Variants in CSMD3 observed in about 807,000 individuals in gnomAD.
CSMD3 encodes the protein CUB and sushi domain-containing protein 3.
In CSMD3, 177 loss-of-function variants were observed where a neutral mutation model predicts 435.2. The observed-to-expected ratio is 0.41, with a 90% confidence interval of 0.36 to 0.46. The LOEUF (loss-of-function observed/expected upper bound fraction) is 0.46, where lower values mean the gene tolerates loss of function less well. CSMD3 is among the 20% of genes least tolerant of loss of function. The pLI is 0.34. For synonymous variants in CSMD3, 1,656 were observed against 1,520.5 expected (o/e 1.09, Z -2.07); for missense variants, 4,265 against 4,504.6 (o/e 0.95, Z 1.52).
chr8:112,931,552 G>T (rs2083110643), intron 9 of CSMD3, among the ~76,000 whole-genome samples: 2 of 150,218 alleles, frequency 1.3e-5, no homozygotes, highest in Non-Finnish European at 3.0e-5. Flanking sequence ...AGATTGTATG[G>T]TTAAAACTTC....
intron 36 of CSMD3, among the ~76,000 whole-genome samples, chr8:112,387,465 A>ATGTGTGTGTGTGTGTGTG (rs34034900): frequency 4.2e-5 from 6 of 144,212 alleles, no homozygotes; most frequent in South Asian, 4.5e-4. Flanking sequence ...GTCATATATT[A>ATGTGTGTGTGTGTGTGTG]TGTGTGTGTG....
intron 24 of CSMD3, among the ~76,000 whole-genome samples, chr8:112,568,485 C>T (rs1487204676): frequency 2.7e-5 from 4 of 150,678 alleles, no homozygotes; most frequent in East Asian, 2.0e-4. Flanking sequence ...ATCCTAGCTA[C>T]TTAAGAGGCT....
chr8:112,519,932 G>A (rs1824099313), intron 27 of CSMD3, among the ~76,000 whole-genome samples: 1 of 152,066 alleles, frequency 6.6e-6, no homozygotes, highest in African/African-American at 2.4e-5. Flanking sequence ...TTATTTAAAT[G>A]GAAGTCTCTG....
At chr8:112,432,909 GAAAA>G (rs11300101) in intron 32 of CSMD3, among the ~76,000 whole-genome samples, 63,489 of 145,506 alleles carry the variant, frequency 0.44, 14,403 homozygotes, top group Middle Eastern at 0.61. Context: ...GGCTCCACTG[GAAAA>G]AAAAAAAAAA....
At chr8:113,378,762 A>AGTGTGTGTGTGTGTGTGT (rs5894145) in intron 1 of CSMD3, among the ~76,000 whole-genome samples, 2,375 of 148,208 alleles carry the variant, frequency 0.016, 30 homozygotes, top group African/African-American at 0.029. Context: ...GTCACACTGA[A>AGTGTGTGTGTGTGTGTGT]GTGTGTGTGT....
intron 27 of CSMD3, among the ~76,000 whole-genome samples, chr8:112,532,370 G>A (rs1825625013): frequency 6.6e-6 from 1 of 152,092 alleles, no homozygotes. Context: ...AAAGGTCAAA[G>A]ATCACAAAGC....
At chr8:112,674,676 C>G (rs539098663) in intron 16 of CSMD3, among the ~76,000 whole-genome samples, 8 of 152,126 alleles carry the variant, frequency 5.3e-5, no homozygotes, top group Non-Finnish European at 7.4e-5. Context: ...AACCTGCCAG[C>G]TTTTCACCAA....
intron 30 of CSMD3, among the ~76,000 whole-genome samples, chr8:112,498,418 A>T (rs1366602264): frequency 6.6e-6 from 1 of 152,106 alleles, no homozygotes; most frequent in East Asian, 1.9e-4. Flanking sequence ...AGCTGGGGAA[A>T]TAGGGAGGGA....
chr8:113,019,991 G>A (rs1345248432), intron 5 of CSMD3, among the ~76,000 whole-genome samples: 2 of 150,396 alleles, frequency 1.3e-5, no homozygotes, highest in African/African-American at 4.9e-5. Context: ...GTGAAACCCC[G>A]TCTCTACTAA....
At chr8:112,594,600 A>G (rs1236032343) in intron 22 of CSMD3, among the ~76,000 whole-genome samples, 7 of 152,152 alleles carry the variant, frequency 4.6e-5, no homozygotes, top group Non-Finnish European at 1.5e-5. Flanking sequence ...ACCTCTGCAG[A>G]CTTAAATGTC....
chr8:113,406,933 AT>A (rs1197481827), intron 1 of CSMD3, among the ~76,000 whole-genome samples: 2 of 152,078 alleles, frequency 1.3e-5, no homozygotes. Flanking sequence ...AGCCTGCATA[AT>A]GGTCTCTGAT....
At position 112,295,856 on chromosome 8, in the gene CSMD3, G is replaced by A. The variant is rs370049231; in HGVS notation, c.8591C>T (p.Ser2864Phe). 14 of 1,613,724 alleles carry A rather than the reference G, an allele frequency of 8.7e-6. No individual in the cohort carries two copies. The highest frequency in any genetic ancestry group is 1.2e-5 in the Non-Finnish European group (14 of 1,179,942). ...VRICQQDHNWSGQLPSCVPVS... is the reference protein window; with the variant it reads ...VRICQQDHNWFGQLPSCVPVS... ...ACGCACACAGGATGGGAGCTGACCAGACCAATTGTGATCCTGTTGACATAT... is the reference window on the plus strand; with the variant it reads ...ACGCACACAGGATGGGAGCTGACCAAACCAATTGTGATCCTGTTGACATAT... The change falls in exon 54 of 71, where the codon TCT (serine) becomes TTT (phenylalanine). Residue 2864 changes from serine (S) to phenylalanine (F), a missense_variant. Physicochemically the swap from Ser to Phe is radical, Grantham distance 155. Coordinates refer to ENST00000297405, the MANE Select transcript of CSMD3 (RefSeq NM_198123.2).
rs193075818 is a variant in CSMD3, at chr8:112,406,643, C to T, written c.5690G>A (p.Gly1897Asp). Residue 1897 changes from glycine to aspartate, a missense_variant, in exon 35 of 71, where the codon GGT becomes GAT. Coordinates refer to ENST00000297405, the MANE Select transcript of CSMD3 (RefSeq NM_198123.2). ...GRRIGNEFAVGSSVLFDCNPG... is the reference protein window; with the variant it reads ...GRRIGNEFAVDSSVLFDCNPG... ...ATTACAATCAAAAAGAACCGATGAA[C>T]CGACTGCAAATTCATTGCCAATTCT... 1.4e-5 allele frequency: 22 copies of T among 1,612,604 alleles called. No individual in the cohort carries two copies. Among genetic ancestry groups the T allele is most frequent in the Middle Eastern group, 1.7e-4 (1 of 6,054 alleles).
chr8:112,576,429 T>G (rs2853247), intron 23 of CSMD3, among the ~76,000 whole-genome samples: 9,805 of 152,186 alleles, frequency 0.064, 437 homozygotes, highest in East Asian at 0.15. Context: ...AATAACATAG[T>G]AAGACATCAT....
intron 25 of CSMD3, among the ~76,000 whole-genome samples, chr8:112,554,749 AAAG>A (rs563231109): frequency 3.9e-5 from 6 of 152,002 alleles, no homozygotes; most frequent in Non-Finnish European, 7.4e-5. Flanking sequence ...TTTAGTGTTT[AAAG>A]AAGAGATACA....
intron 16 of CSMD3, among the ~76,000 whole-genome samples, chr8:112,679,770 A>G (rs1388887467): frequency 6.6e-6 from 1 of 152,112 alleles, no homozygotes; most frequent in Admixed American, 6.5e-5. Flanking sequence ...CAAAATTCAA[A>G]CTTACCTAGA....
At chr8:113,080,132 T>C (rs2089501227) in intron 5 of CSMD3, among the ~76,000 whole-genome samples, 1 of 152,184 alleles carries the variant, frequency 6.6e-6, no homozygotes, top group African/African-American at 2.4e-5. Context: ...GAACATATAC[T>C]GAGTGATGTT....
intron 3 of CSMD3, among the ~76,000 whole-genome samples, chr8:113,254,446 T>G (rs2093362668): frequency 6.6e-6 from 1 of 152,164 alleles, no homozygotes; most frequent in Non-Finnish European, 1.5e-5. Flanking sequence ...ACAGACAGCA[T>G]GGTACTGGCC....
intron 27 of CSMD3, among the ~76,000 whole-genome samples, chr8:112,547,124 C>T (rs533989523): frequency 1.7e-4 from 26 of 152,216 alleles, no homozygotes; most frequent in Admixed American, 1.1e-3. Flanking sequence ...ACAATTAAAA[C>T]GACAATACTT....
Sources: allele counts gnomAD v4.1 joint callset (sites outside exome capture counted in the v4.1 genomes callset), GRCh38; gene constraint gnomAD v4.1.1; transcripts MANE v1.5; gene names NCBI Gene and HGNC (gene_info 2026-07-23, HGNC 2026-07-21).